ADAMTS19: variants seen among roughly 807,000 people sequenced by gnomAD.
ADAMTS19 encodes A disintegrin and metalloproteinase with thrombospondin motifs 19.
ADAMTS19 carries 93 observed loss-of-function variants against 153.3 expected under a neutral mutation model. That is an observed-to-expected ratio of 0.61 (90% CI 0.51 to 0.72). ADAMTS19 has a LOEUF of 0.72. ADAMTS19 is among the 30% of genes least tolerant of loss of function. The pLI is 0.00. For synonymous variants in ADAMTS19, 600 were observed against 556.6 expected (o/e 1.08, Z -1.10); for missense variants, 1,482 against 1,552.1 (o/e 0.95, Z 0.76).
intron 7 of ADAMTS19, among the ~76,000 whole-genome samples, chr5:129,586,783 G>A (rs1282770150): frequency 6.6e-6 from 1 of 152,160 alleles, no homozygotes; most frequent in Non-Finnish European, 1.5e-5. Context: ...ATGAATGACG[G>A]TTCCTGCTGC....
intron 8 of ADAMTS19, among the ~76,000 whole-genome samples, chr5:129,611,463 G>A (rs1334528902): frequency 4.6e-5 from 7 of 152,126 alleles, no homozygotes; most frequent in African/African-American, 1.2e-4. Context: ...ATTAATTATT[G>A]TATAAGGTGT....
At chr5:129,658,872 A>G (rs1320708793) in intron 15 of ADAMTS19, 135 bp downstream of exon 15, 3 of 993,896 alleles carry the variant, frequency 3.0e-6, no homozygotes, top group Non-Finnish European at 2.8e-6. Flanking sequence ...TATTTTTGTG[A>G]TGACATACAA....
chr5:129,645,399 C>T (rs1753016485), intron 11 of ADAMTS19, among the ~76,000 whole-genome samples: 1 of 152,110 alleles, frequency 6.6e-6, no homozygotes, highest in Non-Finnish European at 1.5e-5. Flanking sequence ...TTAACACTTT[C>T]CTCATTGTTG....
intron 16 of ADAMTS19, among the ~76,000 whole-genome samples, chr5:129,669,667 G>GT (rs1425437800): frequency 2.6e-5 from 4 of 151,704 alleles, no homozygotes; most frequent in African/African-American, 4.8e-5. Context: ...TCAGTTTGTT[G>GT]TTTTTTTGAG....
chr5:129,674,921 T>A (rs1199380624), intron 16 of ADAMTS19, among the ~76,000 whole-genome samples: 1 of 152,174 alleles, frequency 6.6e-6, no homozygotes, highest in Non-Finnish European at 1.5e-5. Flanking sequence ...TTCTTTAATT[T>A]TTTTAATAGA....
rs188495978 is a variant in ADAMTS19, at chr5:129,547,530, G to A, written c.1329-4334G>A. 1.0e-3 allele frequency among the ~76,000 whole-genome samples: 157 copies of A among 150,350 alleles called. 14 individuals carry two copies. Among genetic ancestry groups the A allele is most frequent in the African/African-American group, 3.7e-3 (146 of 39,992 alleles). On this transcript the variant is annotated intron_variant, in intron 6 of 22. Transcript: ENST00000274487. ...ACAATTTAATGTTACTTTCAAAGTA[G>A]CCAAAAAAAGTGAGTGAAAAATAAA... is the stretch of plus-strand genomic sequence containing the variant.
intron 18 of ADAMTS19, among the ~76,000 whole-genome samples, chr5:129,685,658 C>T (rs761474861): frequency 3.9e-5 from 6 of 152,056 alleles, no homozygotes; most frequent in Non-Finnish European, 7.4e-5. Context: ...AAGAAAGAGA[C>T]TCTAGGTAAC....
chr5:129,720,024 G>A (rs961263706), intron 21 of ADAMTS19, among the ~76,000 whole-genome samples: 3 of 151,708 alleles, frequency 2.0e-5, no homozygotes, highest in South Asian at 2.1e-4. Flanking sequence ...GGCAACAGAC[G>A]GAGACTTCAT....
chr5:129,550,022 GTA>G (rs1244159748), intron 6 of ADAMTS19, among the ~76,000 whole-genome samples: 2 of 118,982 alleles, frequency 1.7e-5, no homozygotes, highest in African/African-American at 3.1e-5. Context: ...ACATGTATAT[GTA>G]TATCTAGATA....
chr5:129,693,128 C>T (rs17681146), intron 18 of ADAMTS19, among the ~76,000 whole-genome samples: 3,878 of 152,154 alleles, frequency 0.025, 67 homozygotes, highest in Admixed American at 0.042. Context: ...CTACAAATTG[C>T]GGTAGGACTA....
At chr5:129,644,762 T>G (rs1477343729) in intron 11 of ADAMTS19, among the ~76,000 whole-genome samples, 4 of 152,162 alleles carry the variant, frequency 2.6e-5, no homozygotes, top group Non-Finnish European at 4.4e-5. Context: ...TTACTAGAAA[T>G]GAAAAGAGCG....
intron 17 of ADAMTS19, among the ~76,000 whole-genome samples, chr5:129,683,755 C>T (rs1456839821): frequency 6.6e-6 from 1 of 151,004 alleles, no homozygotes; most frequent in Non-Finnish European, 1.5e-5. Context: ...GCCACTTTTG[C>T]CCACCTCCAA....
rs147395435 is a variant in ADAMTS19 at position 129,701,929 on chromosome 5, T to C, written c.3159+337T>C. 2.3e-3 allele frequency among the ~76,000 whole-genome samples: 355 copies of C among 152,268 alleles called. 3 individuals carry two copies. Among genetic ancestry groups the C allele is most frequent in the Admixed American group, 0.021 (324 of 15,294 alleles). On this transcript the variant is annotated intron_variant, in intron 20 of 22. Transcript: ENST00000274487. Reference sequence around the variant, plus strand: ...ACTGCATATCCCTGAACATTTAAAATGGAAAGAAGAAAATTAATGTTTAAT... The same window carrying C: ...ACTGCATATCCCTGAACATTTAAAACGGAAAGAAGAAAATTAATGTTTAAT...
intron 14 of ADAMTS19, among the ~76,000 whole-genome samples, chr5:129,655,960 A>G (rs1403235723): frequency 2.6e-5 from 4 of 152,180 alleles, no homozygotes; most frequent in Admixed American, 2.0e-4. Flanking sequence ...ACCTATACAT[A>G]TTTTGTTTTC....
intron 8 of ADAMTS19, among the ~76,000 whole-genome samples, chr5:129,620,258 A>C (rs1357903376): frequency 6.6e-6 from 1 of 152,072 alleles, no homozygotes; most frequent in Non-Finnish European, 1.5e-5. Flanking sequence ...TGATTCAGGC[A>C]ACAGCAAGAA....
At chr5:129,671,751 A>G (rs1388720804) in intron 16 of ADAMTS19, among the ~76,000 whole-genome samples, 1 of 152,142 alleles carries the variant, frequency 6.6e-6, no homozygotes, top group African/African-American at 2.4e-5. Flanking sequence ...ATTTATCAAA[A>G]AGCCTAAAAT....
intron 8 of ADAMTS19, among the ~76,000 whole-genome samples, chr5:129,616,875 A>G (rs1051382624): frequency 2.6e-5 from 4 of 152,060 alleles, no homozygotes; most frequent in African/African-American, 9.7e-5. Context: ...AGAAAACAAT[A>G]AATCATCTCC....
chr5:129,664,699 AACT>A (rs1190895539), intron 15 of ADAMTS19, among the ~76,000 whole-genome samples: 1 of 152,058 alleles, frequency 6.6e-6, no homozygotes, highest in Non-Finnish European at 1.5e-5. Context: ...ATCTTCACAG[AACT>A]ACTAAGAACA....
chr5:129,584,292 C>G (rs1349112039), intron 7 of ADAMTS19, among the ~76,000 whole-genome samples: 2 of 152,150 alleles, frequency 1.3e-5, no homozygotes, highest in Non-Finnish European at 2.9e-5. Flanking sequence ...AGACACCCAC[C>G]AGATACCAGC....
Sources: gnomAD v4.1 joint callset for allele counts (sites outside exome capture counted in the v4.1 genomes callset) on GRCh38, gnomAD v4.1.1 for gene constraint, MANE v1.5 for transcripts, NCBI Gene and HGNC (gene_info 2026-07-23, HGNC 2026-07-21) for gene names.